Variants in RANBP2 observed in about 807,000 individuals in gnomAD.
The protein encoded by RANBP2 is RAN binding protein 2, also known as E3 SUMO-protein ligase RanBP2.
A neutral mutation model predicts 303.6 loss-of-function variants in RANBP2; 57 were observed. The ratio of observed to expected loss-of-function variants is 0.19; its 90% CI spans 0.15 to 0.23. The LOEUF is 0.23. Among genes scored for constraint, RANBP2 ranks in the 10% least tolerant of loss-of-function variants. The pLI, the probability that RANBP2 is intolerant of heterozygous loss-of-function variation, is 1.00. For synonymous variants in RANBP2, 1,167 were observed against 1,301.5 expected (o/e 0.90, Z 2.23); for missense variants, 3,138 against 3,780.8 (o/e 0.83, Z 4.46).
At chr2:109,185,784 C>T in the RANBP2 span, among the ~76,000 whole-genome samples, 3 of 152,324 alleles carry the variant, frequency 2.0e-5, no homozygotes, top group African/African-American at 4.8e-5. Context: ...TAACTTGGCA[C>T]ACTAATACTT....
chr2:108,730,742 T>G (rs536574888), intron 2 of RANBP2, 32 bp from the exon 3 acceptor site: 1 of 1,606,216 alleles, frequency 6.2e-7, no homozygotes, highest in Non-Finnish European at 8.5e-7. Context: ...GTTCTAAGTT[T>G]AATTTACTTT....
the RANBP2 span, among the ~76,000 whole-genome samples, chr2:109,450,726 A>G: frequency 3.4e-4 from 52 of 152,320 alleles, no homozygotes; most frequent in Admixed American, 3.1e-3. Flanking sequence ...TCCAGGGCTC[A>G]GGGCCCATGC....
At chr2:109,732,480 CTTTTT>C in the RANBP2 span, among the ~76,000 whole-genome samples, 1 of 138,290 alleles carries the variant, frequency 7.2e-6, no homozygotes, top group African/African-American at 2.7e-5. Context: ...ACACCTTCAT[CTTTTT>C]TTTTTTTTTT....
At chr2:109,481,827 A>C in the RANBP2 span, among the ~76,000 whole-genome samples, 1 of 152,046 alleles carries the variant, frequency 6.6e-6, no homozygotes, top group Non-Finnish European at 1.5e-5. Flanking sequence ...GGAAGCCCAG[A>C]GGGGCAAGGT....
the RANBP2 span, among the ~76,000 whole-genome samples, chr2:109,125,103 G>T: frequency 6.6e-6 from 1 of 152,190 alleles, no homozygotes; most frequent in African/African-American, 2.4e-5. Flanking sequence ...TCAAGTCTGG[G>T]GTTGGCCTGT....
the RANBP2 span, among the ~76,000 whole-genome samples, chr2:109,295,272 C>G: frequency 6.6e-6 from 1 of 152,202 alleles, no homozygotes; most frequent in Non-Finnish European, 1.5e-5. Flanking sequence ...GCGGTGGCTC[C>G]AGGAAGCAGG....
the RANBP2 span, among the ~76,000 whole-genome samples, chr2:109,587,170 GA>G: frequency 6.6e-6 from 1 of 152,232 alleles, no homozygotes; most frequent in East Asian, 1.9e-4. Flanking sequence ...GGGAATTACA[GA>G]AAGATATGAA....
At chr2:109,693,712 G>A in the RANBP2 span, among the ~76,000 whole-genome samples, 1 of 152,294 alleles carries the variant, frequency 6.6e-6, no homozygotes, top group South Asian at 2.1e-4. Context: ...CCCATGTCAG[G>A]TATGTCTTTA....
At chr2:109,650,561 T>A in the RANBP2 span, among the ~76,000 whole-genome samples, 3 of 152,196 alleles carry the variant, frequency 2.0e-5, no homozygotes, top group African/African-American at 4.8e-5. Context: ...GTGGTTTGAC[T>A]GTGTCCCCAC....
At chr2:109,570,650 T>G in the RANBP2 span, among the ~76,000 whole-genome samples, 5 of 151,034 alleles carry the variant, frequency 3.3e-5, no homozygotes, top group Non-Finnish European at 5.9e-5. Flanking sequence ...GCCTCCCGAG[T>G]AGCTGGGATT....
chr2:108,754,058 A>G, intron 15 of RANBP2, 87 bp downstream of exon 15: 7 of 1,609,942 alleles, frequency 4.3e-6, no homozygotes, highest in Non-Finnish European at 5.9e-6. Context: ...GGTAATTTCA[A>G]AAATACTCAG....
chr2:109,638,138 G>A, the RANBP2 span, among the ~76,000 whole-genome samples: 1 of 152,168 alleles, frequency 6.6e-6, no homozygotes, highest in Non-Finnish European at 1.5e-5. Flanking sequence ...AAGAGATAGA[G>A]GAGGATAAAG....
At chr2:108,854,272 T>C in the RANBP2 span, among the ~76,000 whole-genome samples, 1 of 151,084 alleles carries the variant, frequency 6.6e-6, no homozygotes, top group Non-Finnish European at 1.5e-5. Context: ...TCTCAGTTAA[T>C]AGGAAGGTTT....
chr2:109,486,531 A>G, the RANBP2 span, among the ~76,000 whole-genome samples: 3 of 152,218 alleles, frequency 2.0e-5, no homozygotes, highest in African/African-American at 7.2e-5. Flanking sequence ...CAGCAACATA[A>G]TCACCAGATA....
chr2:109,657,187 C>T, the RANBP2 span, among the ~76,000 whole-genome samples: 3 of 152,106 alleles, frequency 2.0e-5, no homozygotes, highest in African/African-American at 7.2e-5. Flanking sequence ...TGCATTTCAA[C>T]ATGCCAGACA....
chr2:109,180,425 C>G, the RANBP2 span, among the ~76,000 whole-genome samples: 7 of 152,200 alleles, frequency 4.6e-5, no homozygotes, highest in Non-Finnish European at 8.8e-5. Flanking sequence ...AGCCAATGAA[C>G]TGGCTCCTCA....
chr2:109,143,753 GAAAC>G, the RANBP2 span, among the ~76,000 whole-genome samples: 1 of 132,410 alleles, frequency 7.6e-6, no homozygotes, highest in Admixed American at 7.4e-5. Context: ...CACCCTGTCT[GAAAC>G]AAAACAAAAC....
At chr2:108,876,421 C>G in the RANBP2 span, 1 of 434,320 alleles carries the variant, frequency 2.3e-6, no homozygotes, top group Non-Finnish European at 4.0e-6. Context: ...GGTATTGGAA[C>G]TTTTGGAATG....
the RANBP2 span, among the ~76,000 whole-genome samples, chr2:109,421,024 C>T: frequency 6.6e-6 from 1 of 152,212 alleles, no homozygotes; most frequent in Non-Finnish European, 1.5e-5. Flanking sequence ...TTCACCAGCA[C>T]TGGACAAAAG....
Sources: gnomAD v4.1 joint callset for allele counts (sites outside exome capture counted in the v4.1 genomes callset) on GRCh38, gnomAD v4.1.1 for gene constraint, MANE v1.5 for transcripts, NCBI Gene and HGNC (gene_info 2026-07-23, HGNC 2026-07-21) for gene names.